The following FAM135B variants were observed in gnomAD, a reference collection of about 807,000 sequenced individuals.
FAM135B encodes the protein protein FAM135B.
FAM135B carries 43 observed loss-of-function variants against 127.7 expected under a neutral mutation model. That is an observed-to-expected ratio of 0.34 (90% CI 0.26 to 0.43). The LOEUF (loss-of-function observed/expected upper bound fraction) is 0.43. Among genes scored for constraint, FAM135B ranks in the 20% least tolerant of loss-of-function variants. The pLI, the probability that FAM135B is intolerant of heterozygous loss-of-function variation, is 1.00. For synonymous variants in FAM135B, 670 were observed against 665.1 expected, an observed-to-expected ratio of 1.01 and a Z score of -0.11; for missense variants, 1,558 against 1,725.6, an observed-to-expected ratio of 0.90 and a Z score of 1.72.
intron 3 of FAM135B, among the ~76,000 whole-genome samples, chr8:138,285,580 T>C (rs1824617601): frequency 6.6e-6 from 1 of 152,178 alleles, no homozygotes; most frequent in South Asian, 2.1e-4. Context: ...CCCAGTGCAT[T>C]CAGTTGTATA....
chr8:138,372,489 T>C (rs77297830), intron 1 of FAM135B, among the ~76,000 whole-genome samples: 5,097 of 152,224 alleles, frequency 0.033, 238 homozygotes, highest in African/African-American at 0.11. Flanking sequence ...TAAAGCAATA[T>C]ACATACAGGC....
intron 2 of FAM135B, among the ~76,000 whole-genome samples, chr8:138,332,711 G>A (rs769581837): frequency 2.0e-5 from 3 of 152,014 alleles, no homozygotes; most frequent in Non-Finnish European, 4.4e-5. Context: ...CAGGAAACCC[G>A]GGCAGGATTT....
At chr8:138,223,502 G>A (rs150053075) in intron 7 of FAM135B, among the ~76,000 whole-genome samples, 123 of 152,308 alleles carry the variant, frequency 8.1e-4, no homozygotes, top group African/African-American at 2.9e-3. Context: ...GCAGAGTCCT[G>A]TAGGAGCAAC....
chr8:138,207,250 C>T lies in FAM135B; in HGVS notation c.670-9581G>A, dbSNP rs1817768573. On this transcript the variant is annotated intron_variant, in intron 7 of 19. Coordinates refer to ENST00000395297, the MANE Select transcript of FAM135B (RefSeq NM_015912.4). The stretch of plus-strand genomic sequence containing the variant: ...TTTTTTTTTTTTGAGACTTGTCTCG[C>T]TTTGTTGCCCAGGCTGGAGCTCAGT... Among the ~76,000 whole-genome samples, 9 of 141,718 alleles carry T rather than the reference C, an allele frequency of 6.4e-5. No homozygotes were observed. In the South Asian group the frequency reaches 1.8e-3, roughly 28 times the overall value. 93.0% of individuals were successfully genotyped at this position (141,718 alleles called of 152,430 possible).
intron 8 of FAM135B, among the ~76,000 whole-genome samples, chr8:138,195,659 AAC>A (rs889536031): frequency 2.0e-5 from 3 of 146,966 alleles, no homozygotes; most frequent in African/African-American, 2.6e-5. Flanking sequence ...CACACACACA[AAC>A]ACACACACAC....
At chr8:138,255,951 T>C (rs2130536203) in intron 5 of FAM135B, among the ~76,000 whole-genome samples, 2 of 152,278 alleles carry the variant, frequency 1.3e-5, no homozygotes, top group Non-Finnish European at 2.9e-5. Context: ...TACCATGCCC[T>C]GTTCCTACAC....
chr8:138,320,010 A>T (rs969130263), intron 2 of FAM135B, among the ~76,000 whole-genome samples: 8 of 152,184 alleles, frequency 5.3e-5, no homozygotes, highest in Non-Finnish European at 1.2e-4. Flanking sequence ...GGCAGCCTCT[A>T]TAAACTGGAA....
chr8:138,325,954 A>T (rs1161592949), intron 2 of FAM135B, among the ~76,000 whole-genome samples: 1 of 152,196 alleles, frequency 6.6e-6, no homozygotes, highest in Non-Finnish European at 1.5e-5. Context: ...TTATCTTTGC[A>T]TATCTACCCT....
At chr8:138,443,347 G>A (rs1344294466) in intron 1 of FAM135B, among the ~76,000 whole-genome samples, 2 of 151,792 alleles carry the variant, frequency 1.3e-5, no homozygotes, top group African/African-American at 4.8e-5. Context: ...GGGTTCCAAA[G>A]ACATTCTCCA....
In FAM135B at chr8:138,131,600, G is replaced by A. The variant is rs1302417759; in HGVS notation, c.*993C>T. 1 of 152,584 alleles carries A rather than the reference G, an allele frequency of 6.6e-6. No homozygotes were observed. Among genetic ancestry groups the A allele is most frequent in the Non-Finnish European group, 1.5e-5 (1 of 68,024 alleles). The allele number at this position is 152,584 out of a possible 1,614,324, so 9.5% of individuals were successfully genotyped here. A position where few individuals can be genotyped will look rare whatever the true frequency, so the allele number is the denominator to read the frequency against. On this transcript the variant is annotated 3_prime_UTR_variant, in exon 20 of 20. Coordinates refer to ENST00000395297, the MANE Select transcript of FAM135B (RefSeq NM_015912.4). ...GCACCCTTCTTAGAGCTCCCCTGAGGTTTTAATCCAGCACTCCTCCATTTA... is the reference window on the plus strand; with the variant it reads ...GCACCCTTCTTAGAGCTCCCCTGAGATTTTAATCCAGCACTCCTCCATTTA...
At chr8:138,392,852 A>T (rs1048723050) in intron 1 of FAM135B, among the ~76,000 whole-genome samples, 2 of 152,178 alleles carry the variant, frequency 1.3e-5, no homozygotes, top group African/African-American at 4.8e-5. Context: ...TATGGGGAAG[A>T]ATTAGAAACT....
intron 3 of FAM135B, among the ~76,000 whole-genome samples, chr8:138,303,253 C>A (rs753315103): frequency 5.3e-5 from 8 of 152,038 alleles, no homozygotes; most frequent in Non-Finnish European, 7.4e-5. Flanking sequence ...TATTATGCAG[C>A]CATAAAAAAG....
At chr8:138,235,723 C>T (rs1351891036) in intron 7 of FAM135B, among the ~76,000 whole-genome samples, 4 of 152,182 alleles carry the variant, frequency 2.6e-5, no homozygotes, top group East Asian at 3.9e-4. Context: ...TGGCACAAGG[C>T]TCGGCATGGT....
chr8:138,386,270 A>G (rs922007027), intron 1 of FAM135B, among the ~76,000 whole-genome samples: 1 of 152,136 alleles, frequency 6.6e-6, no homozygotes, highest in Non-Finnish European at 1.5e-5. Context: ...CAACCAAACA[A>G]CAACCTAACC....
chr8:138,203,886 T>C (rs1177661652), intron 7 of FAM135B, among the ~76,000 whole-genome samples: 1 of 152,154 alleles, frequency 6.6e-6, no homozygotes, highest in Non-Finnish European at 1.5e-5. Flanking sequence ...CAGTGACAGA[T>C]CATCAGGTAT....
At chr8:138,332,065 C>T (rs1379991845) in intron 2 of FAM135B, among the ~76,000 whole-genome samples, 1 of 152,180 alleles carries the variant, frequency 6.6e-6, no homozygotes, top group African/African-American at 2.4e-5. Context: ...ATTTGGTTTA[C>T]ATTCTTGTTT....
intron 3 of FAM135B, among the ~76,000 whole-genome samples, chr8:138,306,547 C>T (rs578116077): frequency 1.3e-5 from 2 of 150,372 alleles, no homozygotes; most frequent in South Asian, 4.2e-4. Context: ...CACAGGAATG[C>T]AGCAATAATA....
rs1435912568 is a variant in FAM135B, at chr8:138,337,100, A to T, written c.78-26180T>A. Among the ~76,000 whole-genome samples the T allele has an allele frequency of 5.7e-3, 863 of 152,284 alleles. 8 individuals are homozygous for T. The highest frequency in any genetic ancestry group is 0.02 in the African/African-American group (811 of 41,564). ...TCTCAATAAATTAGGTATTGATGGG[A>T]CGTATCTCAAAATAATAAGAGCTAT... On this transcript the variant is annotated intron_variant, in intron 2 of 19. Coordinates refer to ENST00000395297, the MANE Select transcript of FAM135B (RefSeq NM_015912.4).
At chr8:138,139,738 C>T (rs1014043279) in intron 17 of FAM135B, among the ~76,000 whole-genome samples, 2 of 152,158 alleles carry the variant, frequency 1.3e-5, no homozygotes, top group African/African-American at 4.8e-5. Context: ...TGCATTCCAG[C>T]CTGGGCGACA....
Sources: allele counts gnomAD v4.1 joint callset (sites outside exome capture counted in the v4.1 genomes callset), GRCh38; gene constraint gnomAD v4.1.1; transcripts MANE v1.5; gene names NCBI Gene and HGNC (gene_info 2026-07-23, HGNC 2026-07-21).